The following SPRR2B variants were observed in gnomAD, a reference collection of about 807,000 sequenced individuals.
SPRR2B encodes the protein small proline-rich protein 2B.
Under a neutral mutation model 1.0 loss-of-function variants are expected in SPRR2B, and 1 was observed. That is an observed-to-expected ratio of 1.01 (90% CI 0.36 to 4.77). The LOEUF is 4.77. SPRR2B is among the 30% of genes most tolerant of loss of function. The probability of loss-of-function intolerance (pLI) is 0.16; values close to 1 mark genes in which losing one functional copy is unlikely to be tolerated. For missense variants in SPRR2B, 53 were observed against 88.7 expected (o/e 0.60, Z 1.62); for synonymous variants, 27 against 33.4 (o/e 0.81, Z 0.66).
chr1:153,078,017 T>C, the SPRR2B span, among the ~76,000 whole-genome samples: 2 of 151,986 alleles, frequency 1.3e-5, no homozygotes, highest in South Asian at 4.1e-4. Flanking sequence ...AATCAGACAA[T>C]ATTGAAAAAC....
At chr1:153,077,943 C>T in the SPRR2B span, among the ~76,000 whole-genome samples, 2 of 151,806 alleles carry the variant, frequency 1.3e-5, no homozygotes, top group Non-Finnish European at 2.9e-5. Flanking sequence ...AAAATGTTTT[C>T]GAGTATACAC....
chr1:153,087,229 G>A, the SPRR2B span, among the ~76,000 whole-genome samples: 537 of 152,022 alleles, frequency 3.5e-3, 8 homozygotes, highest in Middle Eastern at 0.014. Flanking sequence ...GCAGTGAGTC[G>A]AGATCACGCT....
upstream of SPRR2B, among the ~76,000 whole-genome samples, chr1:153,073,732 CAACAT>C (rs1355367888): frequency 6.8e-5 from 10 of 146,028 alleles, no homozygotes; most frequent in East Asian, 3.9e-4. Flanking sequence ...CACACACACA[CAACAT>C]GAGTCTTTAT....
the SPRR2B span, among the ~76,000 whole-genome samples, chr1:153,079,004 C>G: frequency 1.3e-5 from 2 of 152,192 alleles, no homozygotes; most frequent in South Asian, 2.1e-4. Flanking sequence ...TCCTATTTCT[C>G]CACATCCTCT....
chr1:153,074,075 C>T (rs1465791839), upstream of SPRR2B, among the ~76,000 whole-genome samples: 1 of 152,148 alleles, frequency 6.6e-6, no homozygotes, highest in Admixed American at 6.5e-5. Context: ...CTCTGCTCCC[C>T]ACTTATAGCC....
At chr1:153,074,210 T>G (rs1438702069), upstream of SPRR2B, among the ~76,000 whole-genome samples, 1 of 152,216 alleles carries the variant, frequency 6.6e-6, no homozygotes, top group Non-Finnish European at 1.5e-5. Context: ...AATTGTTCTT[T>G]TTTTCATATA....
chr1:153,072,246 T>C (rs1282502337), upstream of SPRR2B, among the ~76,000 whole-genome samples: 3 of 152,152 alleles, frequency 2.0e-5, no homozygotes, highest in Non-Finnish European at 4.4e-5. Context: ...GAAGTTGTCT[T>C]ACACACCTCT....
the SPRR2B span, among the ~76,000 whole-genome samples, chr1:153,079,008 A>G: frequency 4.6e-5 from 7 of 152,132 alleles, no homozygotes; most frequent in Non-Finnish European, 8.8e-5. Context: ...ATTTCTCCAC[A>G]TCCTCTCCAG....
In SPRR2B at chr1:153,070,502, G is replaced by A. The variant is rs565620222; in HGVS notation, c.*119C>T. The A allele has an allele frequency of 1.1e-5, 17 of 1,512,494 alleles. No homozygotes were observed. Among genetic ancestry groups the A allele is most frequent in the African/African-American group, 5.6e-5 (4 of 72,052 alleles). 93.7% of individuals were successfully genotyped at this position (1,512,494 alleles called of 1,614,324 possible). ...CATCATGGGCAGATCACAGGCTAAG[G>A]GGAAAGAAGCTCCCTATGAATCCAT... On this transcript the variant is annotated 3_prime_UTR_variant, in exon 2 of 2. Transcript: ENST00000368755.
the SPRR2B span, among the ~76,000 whole-genome samples, chr1:153,079,777 A>G: frequency 6.6e-6 from 1 of 152,018 alleles, no homozygotes; most frequent in African/African-American, 2.4e-5. Context: ...GCCTTGTAGT[A>G]TAGTTTGAAG....
At chr1:153,081,374 G>T in the SPRR2B span, among the ~76,000 whole-genome samples, 1,465 of 152,332 alleles carry the variant, frequency 9.6e-3, 33 homozygotes, top group African/African-American at 0.034. Flanking sequence ...AAACCTTGGA[G>T]ATCAAGAGGT....
At chr1:153,075,217 C>T (rs1654749644), upstream of SPRR2B, among the ~76,000 whole-genome samples, 1 of 152,002 alleles carries the variant, frequency 6.6e-6, no homozygotes, top group African/African-American at 2.4e-5. Context: ...ATTGCAGGGG[C>T]CTGTAATCCC....
the SPRR2B span, among the ~76,000 whole-genome samples, chr1:153,078,320 G>C: frequency 6.6e-6 from 1 of 152,118 alleles, no homozygotes; most frequent in Admixed American, 6.6e-5. Context: ...TGTTATAAGA[G>C]ACTACAAAAG....
chr1:153,077,088 T>C, the SPRR2B span, among the ~76,000 whole-genome samples: 2,157 of 152,174 alleles, frequency 0.014, 50 homozygotes, highest in African/African-American at 0.049. Context: ...AAAGAGAGAA[T>C]CTTGAAAGCA....
At chr1:153,081,034 C>T in the SPRR2B span, among the ~76,000 whole-genome samples, 63 of 152,288 alleles carry the variant, frequency 4.1e-4, 1 homozygote, top group African/African-American at 1.4e-3. Context: ...AGAAGTCAGT[C>T]TCAAAGGCTG....
At chr1:153,071,752 AC>A (rs926621593), upstream of SPRR2B, among the ~76,000 whole-genome samples, 4 of 152,168 alleles carry the variant, frequency 2.6e-5, no homozygotes, top group African/African-American at 9.7e-5. Flanking sequence ...GGATTCTCAA[AC>A]TGGGAAACAT....
chr1:153,071,139 G>A lies in SPRR2B; in HGVS notation c.-19-281C>T, dbSNP rs2101610641. Among the ~76,000 whole-genome samples the A allele has an allele frequency of 1.6e-5, 2 of 125,500 alleles. 1 individual carries two copies. The highest frequency in any genetic ancestry group is 4.9e-4 in the South Asian group (2 of 4,074). 82.3% of individuals were successfully genotyped at this position (125,500 alleles called of 152,430 possible). On this transcript the variant is annotated intron_variant, in intron 1 of 1. Transcript: ENST00000368755. Reference sequence around the variant, plus strand: ...CCAAGAAATTAACATCTTCATGAAAGGCAGTCACAAGTTCAGACCCCCTGG... The same window carrying A: ...CCAAGAAATTAACATCTTCATGAAAAGCAGTCACAAGTTCAGACCCCCTGG...
At chr1:153,078,633 G>A in the SPRR2B span, among the ~76,000 whole-genome samples, 8 of 151,990 alleles carry the variant, frequency 5.3e-5, no homozygotes, top group South Asian at 2.1e-4. Context: ...TTGTTCTTGC[G>A]ATAGTTTGCT....
chr1:153,082,598 A>G, the SPRR2B span, among the ~76,000 whole-genome samples: 1 of 152,170 alleles, frequency 6.6e-6, no homozygotes. Context: ...TAAACAACGC[A>G]CTCTTAAACA....
Sources: allele counts gnomAD v4.1 joint callset (sites outside exome capture counted in the v4.1 genomes callset), GRCh38; gene constraint gnomAD v4.1.1; transcripts MANE v1.5; gene names NCBI Gene and HGNC (gene_info 2026-07-23, HGNC 2026-07-21).